FRMD4A: variants seen among roughly 807,000 people sequenced by gnomAD.
The protein encoded by FRMD4A is FERM domain-containing protein 4A.
A neutral mutation model predicts 129.1 loss-of-function variants in FRMD4A; 29 were observed. The ratio of observed to expected loss-of-function variants is 0.22; its 90% CI spans 0.17 to 0.31. The LOEUF (loss-of-function observed/expected upper bound fraction) is 0.31, where lower values mean the gene tolerates loss of function less well. FRMD4A is among the 10% of genes least tolerant of loss of function. The pLI is 1.00. For missense variants in FRMD4A, 1,272 were observed against 1,375.8 expected (o/e 0.92, Z 1.19); for synonymous variants, 634 against 571.6 (o/e 1.11, Z -1.56).
chr10:14,119,278 A>C lies in FRMD4A; in HGVS notation c.45+210780T>G, dbSNP rs147829818. Among the ~76,000 whole-genome samples, 163 of 152,314 alleles carry C rather than the reference A, an allele frequency of 1.1e-3. 1 individual carries two copies. Among genetic ancestry groups the C allele is most frequent in the African/African-American group, 3.6e-3 (148 of 41,570 alleles). On this transcript the variant is annotated intron_variant, in intron 2 of 24. Coordinates refer to ENST00000357447, the MANE Select transcript of FRMD4A (RefSeq NM_018027.5). The stretch of plus-strand genomic sequence containing the variant: ...TCGGGAGCATCCTTAGGCCAGAATG[A>C]AGAGGTGCAAAGTGAGCGGTTCATA...
At chr10:13,843,249 C>T (rs988739606) in intron 3 of FRMD4A, among the ~76,000 whole-genome samples, 9 of 152,126 alleles carry the variant, frequency 5.9e-5, no homozygotes, top group East Asian at 1.9e-4. Context: ...GGGTGCCGAC[C>T]GGGAACTTGC....
chr10:13,841,677 G>A (rs1483699811), intron 3 of FRMD4A, among the ~76,000 whole-genome samples: 1 of 152,206 alleles, frequency 6.6e-6, no homozygotes, highest in Non-Finnish European at 1.5e-5. Context: ...TTCTGCATGT[G>A]GGACCCTCCC....
chr10:13,810,155 T>A (rs572587871), intron 4 of FRMD4A, among the ~76,000 whole-genome samples: 1 of 152,338 alleles, frequency 6.6e-6, no homozygotes, highest in Admixed American at 6.5e-5. Context: ...TATGAACTAT[T>A]TTCTTAGAAT....
chr10:13,957,954 C>T (rs1015738319), intron 2 of FRMD4A, among the ~76,000 whole-genome samples: 1 of 152,104 alleles, frequency 6.6e-6, no homozygotes, highest in African/African-American at 2.4e-5. Flanking sequence ...ACCCTCCCCT[C>T]TCTAAGAGCC....
chr10:13,808,500 G>A (rs1291811557), intron 4 of FRMD4A, among the ~76,000 whole-genome samples: 1 of 152,212 alleles, frequency 6.6e-6, no homozygotes, highest in African/African-American at 2.4e-5. Context: ...CTATTTTGCA[G>A]GGGCAGCTTT....
chr10:14,082,721 C>T (rs541749840), intron 2 of FRMD4A, among the ~76,000 whole-genome samples: 7 of 152,240 alleles, frequency 4.6e-5, no homozygotes, highest in South Asian at 2.1e-4. Flanking sequence ...GCCCATAACG[C>T]GGAGTCTGCA....
chr10:13,721,438 C>A (rs1222105490), intron 12 of FRMD4A, among the ~76,000 whole-genome samples: 1 of 152,042 alleles, frequency 6.6e-6, no homozygotes, highest in South Asian at 2.1e-4. Context: ...GCCGAGATTG[C>A]GCCACTGCAC....
chr10:13,970,157 G>A (rs1038800426), intron 2 of FRMD4A, among the ~76,000 whole-genome samples: 5 of 152,132 alleles, frequency 3.3e-5, no homozygotes, highest in African/African-American at 9.7e-5. Context: ...AAATTTGGAA[G>A]GATTTCTCTA....
At position 13,657,327 on chromosome 10, in the gene FRMD4A, C is replaced by G; in HGVS notation, c.2262G>C (p.Ser754=). 1 of 1,612,112 alleles carries G rather than the reference C, an allele frequency of 6.2e-7. No homozygotes were observed. The highest frequency in any genetic ancestry group is 8.5e-7 in the Non-Finnish European group (1 of 1,179,748). ...GCGCCGGGTAGTAGTGCTCCGAGCT[C>G]GAGTGGCTGGTGCACGACGAGCAGT... is the stretch of plus-strand genomic sequence containing the variant. ...MDDCSSCTSH[S]SSEHYYPAQM... Residue 754 remains serine, a synonymous_variant, in exon 22 of 25, where the codon TCG becomes TCC. Coordinates refer to ENST00000357447, the MANE Select transcript of FRMD4A (RefSeq NM_018027.5).
chr10:14,120,754 T>A (rs1428552141), intron 2 of FRMD4A, among the ~76,000 whole-genome samples: 2 of 152,104 alleles, frequency 1.3e-5, no homozygotes, highest in Non-Finnish European at 1.5e-5. Context: ...GAGTGAGAAA[T>A]AAACATCTAT....
At chr10:13,666,452 TA>T (rs776004542) in intron 17 of FRMD4A, 127 bp from the exon 18 acceptor site, 3 of 654,840 alleles carry the variant, frequency 4.6e-6, no homozygotes. Flanking sequence ...GCCCCACTCC[TA>T]AAATCTGCAC....
chr10:13,930,295 CT>C (rs1486082777), intron 2 of FRMD4A, among the ~76,000 whole-genome samples: 1 of 152,150 alleles, frequency 6.6e-6, no homozygotes, highest in Non-Finnish European at 1.5e-5. Context: ...CATTTAGTGG[CT>C]TGTGTGGTTT....
intron 4 of FRMD4A, among the ~76,000 whole-genome samples, chr10:13,800,413 A>G (rs920595974): frequency 1.3e-4 from 20 of 152,208 alleles, no homozygotes; most frequent in African/African-American, 4.3e-4. Context: ...AAACAGTCTG[A>G]TGGGAATAAC....
At chr10:13,793,988 G>C (rs2093058772) in intron 5 of FRMD4A, among the ~76,000 whole-genome samples, 1 of 152,082 alleles carries the variant, frequency 6.6e-6, no homozygotes, top group South Asian at 2.1e-4. Context: ...ATCCTCTGTG[G>C]CTGGGACCCT....
intron 2 of FRMD4A, among the ~76,000 whole-genome samples, chr10:14,046,541 G>T (rs1833998016): frequency 6.6e-6 from 1 of 152,176 alleles, no homozygotes; most frequent in Non-Finnish European, 1.5e-5. Context: ...TTAAGAAAAT[G>T]AAAGGTAGAA....
intron 3 of FRMD4A, among the ~76,000 whole-genome samples, chr10:13,853,947 G>T (rs186783730): frequency 2.6e-5 from 4 of 152,094 alleles, no homozygotes; most frequent in East Asian, 1.9e-4. Flanking sequence ...GCAGTAGAAG[G>T]TCAGGTCGGT....
At chr10:13,892,845 A>C (rs146896488) in intron 2 of FRMD4A, among the ~76,000 whole-genome samples, 2 of 152,220 alleles carry the variant, frequency 1.3e-5, no homozygotes, top group East Asian at 3.9e-4. Flanking sequence ...AATCACTCAC[A>C]TCCTGTCTTC....
At chr10:13,931,158 G>T (rs926630814) in intron 2 of FRMD4A, among the ~76,000 whole-genome samples, 5 of 152,114 alleles carry the variant, frequency 3.3e-5, no homozygotes, top group African/African-American at 1.2e-4. Flanking sequence ...AGAGGTCAGG[G>T]GGAAGAGGAG....
intron 2 of FRMD4A, among the ~76,000 whole-genome samples, chr10:14,025,842 C>T (rs536459843): frequency 1.6e-4 from 25 of 152,190 alleles, no homozygotes; most frequent in African/African-American, 4.3e-4. Context: ...GGTTCACCCA[C>T]GGGGTAGCCT....
Sources: gnomAD v4.1 joint callset for allele counts (sites outside exome capture counted in the v4.1 genomes callset) on GRCh38, gnomAD v4.1.1 for gene constraint, MANE v1.5 for transcripts, NCBI Gene and HGNC (gene_info 2026-07-23, HGNC 2026-07-21) for gene names.